Variants in LTBP1 observed in about 807,000 individuals in gnomAD.
The protein encoded by LTBP1 is latent-transforming growth factor beta-binding protein 1.
A neutral mutation model predicts 207.6 loss-of-function variants in LTBP1; 129 were observed. The ratio of observed to expected loss-of-function variants is 0.62; its 90% CI spans 0.54 to 0.72. The LOEUF (loss-of-function observed/expected upper bound fraction) is 0.72. LTBP1 is among the 30% of genes least tolerant of loss of function. The pLI, the probability that LTBP1 is intolerant of heterozygous loss-of-function variation, is 0.00. For synonymous variants in LTBP1, 963 were observed against 833.7 expected, an observed-to-expected ratio of 1.16 and a Z score of -2.67; for missense variants, 2,281 against 2,217.2, an observed-to-expected ratio of 1.03 and a Z score of -0.58.
At chr2:33,115,171 G>C (rs1443122265) in intron 4 of LTBP1, among the ~76,000 whole-genome samples, 1 of 150,984 alleles carries the variant, frequency 6.6e-6, no homozygotes, top group South Asian at 2.1e-4. Flanking sequence ...GCCATAAAAA[G>C]GAATAAGATT....
chr2:32,999,354 C>G (rs186424449), intron 2 of LTBP1, among the ~76,000 whole-genome samples: 6 of 152,290 alleles, frequency 3.9e-5, no homozygotes, highest in Non-Finnish European at 4.4e-5. Context: ...TGCCTCCATC[C>G]AAGGTGATTA....
Position 33,389,103 on chromosome 2 carries a change from C to G in LTBP1, c.4712-81C>G, listed in dbSNP as rs1290579572. ...ACGTGGAAGGGTGTGCTGGCAGATT[C>G]CCGTTGCTCTGAGCTGCGAGGGGGT... On this transcript the variant is annotated intron_variant, in intron 31 of 33. Transcript: ENST00000404816. The G allele has an allele frequency of 2.5e-6, 4 of 1,587,690 alleles. No individual in the cohort carries two copies. The African/African-American group carries it at 4.0e-5, about 16-fold the overall frequency.
rs955526456 is a variant in LTBP1, at chr2:33,110,681, A to G, written c.963A>G (p.Ser321=). Residue 321 remains serine (S), a synonymous_variant, in exon 4 of 34, where the codon TCA becomes TCG. Coordinates refer to ENST00000404816, the MANE Select transcript of LTBP1 (RefSeq NM_206943.4). The stretch of plus-strand genomic sequence containing the variant: ...ACTTTCCAGCCCAGAAGGGGATTTC[A>G]GGAGAGCAGTCCACTGAAGGTTCTT... ...PKYFPAQKGI[S]GEQSTEGSFP... The G allele has an allele frequency of 3.7e-6, 6 of 1,614,214 alleles. No individual in the cohort carries two copies. Among genetic ancestry groups the G allele is most frequent in the African/African-American group, 1.3e-5 (1 of 75,058 alleles).
At chr2:33,244,461 A>C (rs932448658) in intron 10 of LTBP1, among the ~76,000 whole-genome samples, 2 of 152,224 alleles carry the variant, frequency 1.3e-5, no homozygotes, top group African/African-American at 4.8e-5. Context: ...TTGGTTCTGA[A>C]AGATAGTTTC....
At chr2:33,141,807 T>A (rs562632789) in intron 5 of LTBP1, among the ~76,000 whole-genome samples, 1 of 152,314 alleles carries the variant, frequency 6.6e-6, no homozygotes, top group South Asian at 2.1e-4. Flanking sequence ...ATTTGGAGCA[T>A]TCTTCCAGAC....
At chr2:32,959,547 A>ATGTGTG (rs1208584717) in intron 2 of LTBP1, among the ~76,000 whole-genome samples, 7 of 103,518 alleles carry the variant, frequency 6.8e-5, no homozygotes, top group Admixed American at 3.8e-4. Context: ...TGCTGTATAT[A>ATGTGTG]TATGTGTGTG....
chr2:33,063,157 A>G (rs1182663717), intron 3 of LTBP1: 2 of 152,132 alleles, frequency 1.3e-5, no homozygotes, highest in East Asian at 3.9e-4. Flanking sequence ...TTTCAAAACC[A>G]CTTTTTGACA....
At chr2:33,179,479 C>T (rs1370167636) in intron 5 of LTBP1, among the ~76,000 whole-genome samples, 2 of 151,692 alleles carry the variant, frequency 1.3e-5, no homozygotes, top group South Asian at 2.1e-4. Context: ...AAGAGATGCT[C>T]ACTGATGGGG....
intron 20 of LTBP1, among the ~76,000 whole-genome samples, chr2:33,295,986 C>T (rs2093867804): frequency 6.6e-6 from 1 of 152,174 alleles, no homozygotes; most frequent in Non-Finnish European, 1.5e-5. Flanking sequence ...GGCACACCTC[C>T]ATTTCTCCTG....
At chr2:33,146,546 G>A (rs1284750075) in intron 5 of LTBP1, among the ~76,000 whole-genome samples, 1 of 152,136 alleles carries the variant, frequency 6.6e-6, no homozygotes, top group Admixed American at 6.6e-5. Context: ...TTGATCACAT[G>A]TATTAGTCCA....
chr2:33,028,396 G>A (rs1012958106), intron 3 of LTBP1, among the ~76,000 whole-genome samples: 1 of 152,164 alleles, frequency 6.6e-6, no homozygotes, highest in Non-Finnish European at 1.5e-5. Context: ...GAGGCCTAGC[G>A]TGGTGGCTCA....
At chr2:33,265,885 A>G (rs1239214466) in intron 15 of LTBP1, among the ~76,000 whole-genome samples, 1 of 152,210 alleles carries the variant, frequency 6.6e-6, no homozygotes, top group Non-Finnish European at 1.5e-5. Context: ...GCTAAATGGA[A>G]GAGTTTGGAG....
intron 3 of LTBP1, among the ~76,000 whole-genome samples, chr2:33,089,062 A>G (rs2078920982): frequency 6.6e-6 from 1 of 150,974 alleles, no homozygotes; most frequent in Non-Finnish European, 1.5e-5. Context: ...AGGCTGAGGC[A>G]GGAGAATCGC....
chr2:33,110,982 G>A lies in LTBP1; in HGVS notation c.1033+231G>A, dbSNP rs541477804. Among the ~76,000 whole-genome samples the A allele has an allele frequency of 5.5e-4, 83 of 152,272 alleles. No homozygotes were observed. In the Middle Eastern group the frequency reaches 0.017, roughly 31 times the overall value. Reference sequence around the variant, plus strand: ...GAAATGAATCCGAAGTGACCTGCCTGTCATTCTGTTTCTGCAATATGGCTT... The same window carrying A: ...GAAATGAATCCGAAGTGACCTGCCTATCATTCTGTTTCTGCAATATGGCTT... On this transcript the variant is annotated intron_variant, in intron 4 of 33. Coordinates refer to ENST00000404816, the MANE Select transcript of LTBP1 (RefSeq NM_206943.4).
chr2:33,273,933 G>A (rs2093371844), intron 16 of LTBP1, 152 bp downstream of exon 16: 2 of 505,194 alleles, frequency 4.0e-6, no homozygotes, highest in East Asian at 3.9e-5. Flanking sequence ...CTCAAAAAAA[G>A]GTTTGCTAAA....
chr2:33,097,031 A>C (rs572163516), intron 3 of LTBP1, among the ~76,000 whole-genome samples: 1 of 152,316 alleles, frequency 6.6e-6, no homozygotes, highest in South Asian at 2.1e-4. Flanking sequence ...GATAAACCCA[A>C]TCCTAGTAGA....
intron 15 of LTBP1, among the ~76,000 whole-genome samples, chr2:33,266,933 C>T (rs557451956): frequency 3.9e-4 from 59 of 152,270 alleles, no homozygotes; most frequent in South Asian, 6.2e-4. Context: ...TTGAGGGTGC[C>T]GAGAAGGGAA....
At chr2:33,377,835 G>A (rs1235105075) in intron 31 of LTBP1, among the ~76,000 whole-genome samples, 2 of 152,136 alleles carry the variant, frequency 1.3e-5, no homozygotes, top group Non-Finnish European at 2.9e-5. Context: ...TTCTTACCTG[G>A]CGACAGGACA....
At chr2:33,247,263 C>T (rs1209677737) in intron 10 of LTBP1, among the ~76,000 whole-genome samples, 1 of 152,190 alleles carries the variant, frequency 6.6e-6, no homozygotes, top group African/African-American at 2.4e-5. Context: ...TAATTAAGTA[C>T]ATCATTCATT....
Sources: allele counts gnomAD v4.1 joint callset (sites outside exome capture counted in the v4.1 genomes callset), GRCh38; gene constraint gnomAD v4.1.1; transcripts MANE v1.5; gene names NCBI Gene and HGNC (gene_info 2026-07-23, HGNC 2026-07-21).